Variants in KDM1A observed in about 807,000 individuals in gnomAD.
KDM1A encodes lysine demethylase 1A.
Under a neutral mutation model 109.4 loss-of-function variants are expected in KDM1A, and 49 were observed. The ratio of observed to expected loss-of-function variants is 0.45; its 90% CI spans 0.36 to 0.57. The LOEUF (loss-of-function observed/expected upper bound fraction) is 0.57, where lower values mean the gene tolerates loss of function less well. KDM1A is among the 20% of genes least tolerant of loss of function. The pLI is 0.00. For synonymous variants in KDM1A, 380 were observed against 415.4 expected, an observed-to-expected ratio of 0.91 and a Z score of 1.04; for missense variants, 668 against 1,116.6, an observed-to-expected ratio of 0.60 and a Z score of 5.73.
Position 23,079,312 on chromosome 1 carries a change from G to A in KDM1A, c.2055+135G>A, listed in dbSNP as rs114189394. ...CCAATTGTGACATCAGGGCTGAGGC[G>A]TGTCAGTTGATTCTCTTCAGTGCCT... On this transcript the variant is annotated intron_variant, in intron 17 of 20. Transcript: ENST00000400181. This position sits in a 1 kb window ranked among gnomAD's most constrained non-coding sequence, Gnocchi z 5.6. 2,308 of 842,066 alleles carry A rather than the reference G, an allele frequency of 2.7e-3. 33 individuals carry two copies. The African/African-American group carries it at 0.033, about 12-fold the overall frequency. 52.2% of individuals were successfully genotyped at this position (842,066 alleles called of 1,614,324 possible).
At position 23,079,573 on chromosome 1, in the gene KDM1A, G is replaced by C; in HGVS notation, c.2076G>C (p.Arg692=). Residue 692 remains arginine, a synonymous_variant, in exon 18 of 21, where the codon CGG becomes CGC. Coordinates refer to ENST00000400181, the MANE Select transcript of KDM1A (RefSeq NM_001009999.3). This position sits in a 1 kb window ranked among gnomAD's most constrained non-coding sequence, Gnocchi z 5.6. ...GGTAGGTGGTGTTGTGTTTTGATCG[G>C]GTGTTCTGGGATCCAAGTGTCAATT... ...NLNKVVLCFD[R]VFWDPSVNLF... The C allele has an allele frequency of 6.2e-7, 1 of 1,613,758 alleles. No homozygotes were observed. The highest frequency in any genetic ancestry group is 8.5e-7 in the Non-Finnish European group (1 of 1,179,874).
chr1:23,052,012 T>A (rs1050247367), intron 4 of KDM1A, among the ~76,000 whole-genome samples: 2 of 152,240 alleles, frequency 1.3e-5, no homozygotes, highest in Non-Finnish European at 2.9e-5. Context: ...CATATCAACA[T>A]TTGCTCTAAG....
intron 9 of KDM1A, 76 bp downstream of exon 9, chr1:23,059,243 G>A: frequency 1.0e-6 from 1 of 994,402 alleles, no homozygotes; most frequent in Non-Finnish European, 1.6e-6. Context: ...TGGTATGGAT[G>A]AGCATATACA....
intron 3 of KDM1A, among the ~76,000 whole-genome samples, chr1:23,045,671 GT>G (rs1200744423): frequency 9.5e-5 from 14 of 147,106 alleles, no homozygotes; most frequent in East Asian, 3.9e-4. Context: ...TTTTGTTTCT[GT>G]TTTTTTTTTG....
At chr1:23,060,379 A>G (rs1367830455) in intron 9 of KDM1A, among the ~76,000 whole-genome samples, 1 of 152,216 alleles carries the variant, frequency 6.6e-6, no homozygotes, top group Non-Finnish European at 1.5e-5. Context: ...ATCTTGTTTT[A>G]TCTGTCCCAT....
chr1:23,082,068 A>T, intron 19 of KDM1A, 152 bp from the exon 20 acceptor site: 1 of 722,996 alleles, frequency 1.4e-6, no homozygotes, highest in Non-Finnish European at 2.2e-6. Flanking sequence ...TGTGTGTTTT[A>T]AAGCAGGCAT....
chr1:23,027,449 C>G (rs889532827), intron 1 of KDM1A, among the ~76,000 whole-genome samples: 13 of 131,408 alleles, frequency 9.9e-5, no homozygotes, highest in Admixed American at 2.6e-4. Context: ...GGTCTCGACT[C>G]TGTCACGCAG....
intron 8 of KDM1A, 62 bp from the exon 9 acceptor site, chr1:23,059,010 CT>C: frequency 1.1e-6 from 1 of 920,958 alleles, no homozygotes; most frequent in Non-Finnish European, 1.6e-6. Context: ...ATATTTTTTA[CT>C]TTAAGGTTTT....
chr1:23,048,032 T>C (rs1025483406), intron 3 of KDM1A, among the ~76,000 whole-genome samples: 8 of 152,208 alleles, frequency 5.3e-5, no homozygotes, highest in African/African-American at 1.9e-4. Flanking sequence ...GACTACTTAT[T>C]AAATGTATAG....
intron 2 of KDM1A, among the ~76,000 whole-genome samples, chr1:23,042,259 A>G (rs1642357834): frequency 1.3e-5 from 2 of 151,986 alleles, no homozygotes; most frequent in African/African-American, 4.8e-5. Flanking sequence ...AATTTGAACG[A>G]TAACAGCTGT....
intron 3 of KDM1A, among the ~76,000 whole-genome samples, chr1:23,045,597 T>A (rs575616216): frequency 6.6e-6 from 1 of 152,176 alleles, no homozygotes; most frequent in Admixed American, 6.5e-5. Flanking sequence ...TCCATGGAAC[T>A]GTTGAAGATC....
chr1:23,063,239 T>G (rs1212657504), intron 9 of KDM1A, among the ~76,000 whole-genome samples: 6 of 125,100 alleles, frequency 4.8e-5, no homozygotes, highest in Non-Finnish European at 6.7e-5. Context: ...TGGGTGTGTG[T>G]GTGTGTGTGT....
intron 1 of KDM1A, among the ~76,000 whole-genome samples, chr1:23,024,876 G>A (rs900875298): frequency 7.2e-5 from 11 of 152,216 alleles, no homozygotes; most frequent in African/African-American, 2.7e-4. Context: ...CGTATAATTA[G>A]TAGGTGACCA....
In KDM1A at chr1:23,019,860, T is replaced by TG; in HGVS notation, c.265dup (p.Val89GlyfsTer37). The TG allele has an allele frequency of 6.5e-7, 1 of 1,529,358 alleles. No homozygotes were observed. The highest frequency in any genetic ancestry group is 8.8e-7 in the Non-Finnish European group (1 of 1,142,266). The allele number at this position is 1,529,358 out of a possible 1,614,324, so 94.7% of individuals were successfully genotyped here. Reference sequence around the variant, plus strand: ...CCGCAGGGCCTCAGGCCGGCCCTACTGTCGTGCCTGGGTCTGCGACCCCCA... The same window carrying TG: ...CCGCAGGGCCTCAGGCCGGCCCTACTGGTCGTGCCTGGGTCTGCGACCCCCA... On this transcript the variant is annotated frameshift_variant, in exon 1 of 21. Transcript: ENST00000400181. LOFTEE classifies it high-confidence loss of function.
intron 3 of KDM1A, among the ~76,000 whole-genome samples, chr1:23,047,606 A>C (rs993994982): frequency 2.0e-5 from 3 of 152,196 alleles, no homozygotes; most frequent in African/African-American, 7.2e-5. Flanking sequence ...GTGATTTTTG[A>C]TAAGAACATC....
chr1:23,050,554 A>T, intron 4 of KDM1A, 34 bp downstream of exon 4: 1 of 1,560,514 alleles, frequency 6.4e-7, no homozygotes, highest in Non-Finnish European at 8.7e-7. Flanking sequence ...CACCTGGATT[A>T]TAAAAAGTAT....
intron 15 of KDM1A, 56 bp downstream of exon 15, chr1:23,073,459 AG>A: frequency 2.1e-6 from 2 of 936,748 alleles, no homozygotes; most frequent in South Asian, 2.7e-5. Flanking sequence ...GGATTGTAAG[AG>A]AAATAGTTAA....
chr1:23,038,448 G>A (rs1333565180), intron 2 of KDM1A, among the ~76,000 whole-genome samples: 1 of 151,774 alleles, frequency 6.6e-6, no homozygotes, highest in Non-Finnish European at 1.5e-5. Context: ...TGTAAGCTTT[G>A]TTATTAACCA....
chr1:23,070,477 A>G (rs780612874), intron 12 of KDM1A, among the ~76,000 whole-genome samples: 6 of 151,654 alleles, frequency 4.0e-5, no homozygotes, highest in Non-Finnish European at 7.4e-5. Flanking sequence ...TCTCTTAGAA[A>G]AAAAAAAAAA....
Sources: gnomAD v4.1 joint callset for allele counts (sites outside exome capture counted in the v4.1 genomes callset) on GRCh38, gnomAD v4.1.1 for gene constraint, Gnocchi (gnomAD v3.1) non-coding constraint, MANE v1.5 for transcripts, NCBI Gene and HGNC (gene_info 2026-07-23, HGNC 2026-07-21) for gene names.